The following LRP5 variants were observed in gnomAD, a reference collection of about 807,000 sequenced individuals.
LRP5 encodes low-density lipoprotein receptor-related protein 5.
Under a neutral mutation model 154.1 loss-of-function variants are expected in LRP5, and 62 were observed. The ratio of observed to expected loss-of-function variants is 0.40; its 90% CI spans 0.33 to 0.50. The LOEUF (loss-of-function observed/expected upper bound fraction) is 0.50, where lower values mean the gene tolerates loss of function less well. LRP5 is among the 20% of genes least tolerant of loss of function. The probability of loss-of-function intolerance (pLI) is 0.55; values close to 1 mark genes in which losing one functional copy is unlikely to be tolerated. For missense variants in LRP5, 1,915 were observed against 2,336.7 expected (o/e 0.82, Z 3.72); for synonymous variants, 966 against 1,011.5 (o/e 0.96, Z 0.85).
chr11:68,380,733 C>T (rs1285208657), intron 5 of LRP5, among the ~76,000 whole-genome samples: 1 of 152,196 alleles, frequency 6.6e-6, no homozygotes, highest in Non-Finnish European at 1.5e-5. Flanking sequence ...AGTGCCAATG[C>T]TGGTGGGTGC....
At chr11:68,350,027 C>T (rs1040978991) in intron 2 of LRP5, among the ~76,000 whole-genome samples, 2 of 152,172 alleles carry the variant, frequency 1.3e-5, no homozygotes, top group African/African-American at 4.8e-5. Flanking sequence ...AGTGTCACCA[C>T]AGTCTCTCAG....
chr11:68,407,073 AC>A (rs2098656133), intron 9 of LRP5, among the ~76,000 whole-genome samples: 1 of 151,920 alleles, frequency 6.6e-6, no homozygotes, highest in African/African-American at 2.4e-5. Flanking sequence ...TTGACTTCAG[AC>A]ACCCCACCCA....
In LRP5 at chr11:68,403,680, G is replaced by T. The variant is rs2098653963; in HGVS notation, c.1782G>T (p.Val594=). 6.2e-7 allele frequency: 1 copy of T among 1,613,894 alleles called. No individual in the cohort carries two copies. Among genetic ancestry groups the T allele is most frequent in the African/African-American group, 1.3e-5 (1 of 74,950 alleles). The part of the protein sequence containing the change: ...QLPDLMGLKA[V]NVAKVVGTNP... ...CCGACCTGATGGGGCTCAAAGCTGTGAATGTGGCCAAGGTCGTCGGTGAGT... is the reference window on the plus strand; with the variant it reads ...CCGACCTGATGGGGCTCAAAGCTGTTAATGTGGCCAAGGTCGTCGGTGAGT... Residue 594 remains valine, a synonymous_variant, in exon 8 of 23, where the codon GTG becomes GTT. Transcript: ENST00000294304.
chr11:68,327,643 C>T (rs541761795), intron 1 of LRP5, among the ~76,000 whole-genome samples: 93 of 152,316 alleles, frequency 6.1e-4, no homozygotes, highest in African/African-American at 2.1e-3. Flanking sequence ...ACAGTAGTTC[C>T]ACCTCCTATG....
At chr11:68,387,708 A>G (rs2098643814) in intron 6 of LRP5, among the ~76,000 whole-genome samples, 1 of 152,230 alleles carries the variant, frequency 6.6e-6, no homozygotes, top group Non-Finnish European at 1.5e-5. Context: ...ATAACCCAGA[A>G]CACTGAATGG....
chr11:68,389,936 G>A lies in LRP5; in HGVS notation c.1468G>A (p.Asp490Asn). The change falls in exon 7 of 23, where the codon GAT (aspartate) becomes AAT (asparagine). Residue 490 changes from aspartate to asparagine, a missense_variant. Asp to Asn is a conservative substitution (Grantham distance 23, BLOSUM62 1). This residue lies in a region of LRP5 where 773 missense variants were observed against 1,100.9 expected (regional missense o/e 0.70). Transcript: ENST00000294304. The part of the protein sequence containing the change: ...ENPKIECANL[D>N]GQERRVLVNA... ...CCCTAAAATCGAGTGTGCCAACTTG[G>A]ATGGGCAGGAGCGGCGTGTGCTGGT... 3 of 1,614,236 alleles carry A rather than the reference G, an allele frequency of 1.9e-6. No homozygotes were observed. Among genetic ancestry groups the A allele is most frequent in the Non-Finnish European group, 2.5e-6 (3 of 1,180,038 alleles).
chr11:68,370,738 C>T (rs970545418), intron 5 of LRP5, among the ~76,000 whole-genome samples: 9 of 152,192 alleles, frequency 5.9e-5, no homozygotes, highest in Non-Finnish European at 1.3e-4. Flanking sequence ...ATGACTGGCA[C>T]GCAGGAGAAA....
At chr11:68,316,202 G>A (rs1228590326) in intron 1 of LRP5, among the ~76,000 whole-genome samples, 2 of 152,140 alleles carry the variant, frequency 1.3e-5, no homozygotes, top group African/African-American at 2.4e-5. Context: ...ATGCGTCTTC[G>A]TGGCTGACTT....
chr11:68,313,136 T>G (rs2098589901), intron 1 of LRP5, among the ~76,000 whole-genome samples: 1 of 148,602 alleles, frequency 6.7e-6, no homozygotes, highest in Non-Finnish European at 1.5e-5. Context: ...TGGGCCCGTG[T>G]GGCCCGGGCC....
chr11:68,332,865 T>C (rs2098603674), intron 1 of LRP5, among the ~76,000 whole-genome samples: 3 of 151,802 alleles, frequency 2.0e-5, no homozygotes, highest in Admixed American at 2.0e-4. Context: ...AATGGGGGAG[T>C]AGAGCTATTC....
chr11:68,314,840 A>C (rs535821650), intron 1 of LRP5, among the ~76,000 whole-genome samples: 2 of 152,380 alleles, frequency 1.3e-5, no homozygotes, highest in South Asian at 2.1e-4. Context: ...CCTCCAAAGC[A>C]GGGCCCCGTG....
chr11:68,403,514 C>T lies in LRP5; in HGVS notation c.1616C>T (p.Thr539Ile), dbSNP rs1341931542. 6.2e-7 allele frequency: 1 copy of T among 1,614,176 alleles called. No homozygotes were observed. Among genetic ancestry groups the T allele is most frequent in the Non-Finnish European group, 8.5e-7 (1 of 1,180,050 alleles). ...VINVDGTKRR[T>I]LLEDKLPHIF... Reference sequence around the variant, plus strand: ...AATGTTGATGGGACGAAGAGGCGGACCCTCCTGGAGGACAAGCTCCCGCAC... The same window carrying T: ...AATGTTGATGGGACGAAGAGGCGGATCCTCCTGGAGGACAAGCTCCCGCAC... The change falls in exon 8 of 23, where the codon ACC becomes ATC. Residue 539 changes from threonine (T) to isoleucine (I), a missense_variant. By Grantham distance (89) the Thr-to-Ile change is moderately conservative (BLOSUM62 -1). Transcript: ENST00000294304.
At chr11:68,418,898 T>G (rs1323971020) in intron 13 of LRP5, among the ~76,000 whole-genome samples, 1 of 152,224 alleles carries the variant, frequency 6.6e-6, no homozygotes, top group African/African-American at 2.4e-5. Flanking sequence ...AGAAAGCTCC[T>G]GGGCGTACAT....
intron 13 of LRP5, among the ~76,000 whole-genome samples, chr11:68,420,909 A>G (rs1370138165): frequency 1.3e-5 from 2 of 152,056 alleles, no homozygotes; most frequent in Admixed American, 6.6e-5. Context: ...TGCACTAACC[A>G]TAAGTATTTG....
rs770919090 is a variant in LRP5 at position 68,414,001 on chromosome 11, G to A, written c.2816G>A (p.Arg939His). ...ASHYTLDPSS[R>H]NCSPPTTFLL... Reference sequence around the variant, plus strand: ...CACTACACCCTGGACCCCAGCAGCCGCAACTGCAGCCGTAAGTGCCTCATG... The same window carrying A: ...CACTACACCCTGGACCCCAGCAGCCACAACTGCAGCCGTAAGTGCCTCATG... The change falls in exon 12 of 23, where the codon CGC becomes CAC. Residue 939 changes from arginine to histidine, a missense_variant. Transcript: ENST00000294304. The A allele has an allele frequency of 1.0e-5, 16 of 1,603,478 alleles. No homozygotes were observed. Among genetic ancestry groups the A allele is most frequent in the Admixed American group, 5.0e-5 (3 of 59,970 alleles).
intron 21 of LRP5, among the ~76,000 whole-genome samples, chr11:68,440,788 C>T (rs1296775492): frequency 6.6e-6 from 1 of 151,502 alleles, no homozygotes; most frequent in East Asian, 1.9e-4. Context: ...TTTTTTGAGA[C>T]GGAGTTTCAC....
chr11:68,405,048 A>G (rs2098654806), intron 8 of LRP5, among the ~76,000 whole-genome samples: 1 of 151,014 alleles, frequency 6.6e-6, no homozygotes, highest in Admixed American at 6.6e-5. Context: ...TAATCTCACT[A>G]CTCGAGAGGC....
intron 1 of LRP5, among the ~76,000 whole-genome samples, chr11:68,324,557 G>A (rs1298315281): frequency 6.6e-6 from 1 of 152,350 alleles, no homozygotes; most frequent in East Asian, 1.9e-4. Context: ...GATGGGTCAC[G>A]ATGGGAGGGA....
At chr11:68,298,424 T>C in the LRP5 span, among the ~76,000 whole-genome samples, 4 of 152,190 alleles carry the variant, frequency 2.6e-5, no homozygotes, top group Non-Finnish European at 1.5e-5. Flanking sequence ...ATGGGATTGT[T>C]TGAGAATTAC....
Sources: allele counts gnomAD v4.1 joint callset (sites outside exome capture counted in the v4.1 genomes callset), GRCh38; gene constraint gnomAD v4.1.1; regional missense constraint gnomAD v4.1.1; transcripts MANE v1.5; gene names NCBI Gene and HGNC (gene_info 2026-07-23, HGNC 2026-07-21).